TRAF3: variants seen among roughly 807,000 people sequenced by gnomAD.
The protein encoded by TRAF3 is TNF receptor associated factor 3.
A neutral mutation model predicts 62.3 loss-of-function variants in TRAF3; 13 were observed. That is an observed-to-expected ratio of 0.21 (90% CI 0.14 to 0.33). The LOEUF (loss-of-function observed/expected upper bound fraction) is 0.33. Ranked by LOEUF, TRAF3 falls within the 10% of genes least tolerant of loss-of-function variation. TRAF3 has a pLI of 1.00. For synonymous variants in TRAF3, 269 were observed against 283.4 expected, an observed-to-expected ratio of 0.95 and a Z score of 0.51; for missense variants, 440 against 741.8, an observed-to-expected ratio of 0.59 and a Z score of 4.73.
At chr14:102,799,159 T>C (rs1456149584) in intron 1 of TRAF3, among the ~76,000 whole-genome samples, 1 of 151,826 alleles carries the variant, frequency 6.6e-6, no homozygotes, top group African/African-American at 2.4e-5. Flanking sequence ...GAATTAAGAG[T>C]CTGGTGGCAT....
chr14:102,848,845 G>T (rs948226337), intron 2 of TRAF3, among the ~76,000 whole-genome samples: 5 of 152,190 alleles, frequency 3.3e-5, no homozygotes, highest in African/African-American at 4.8e-5. Flanking sequence ...GGATATAGAG[G>T]CTCGATCGCT....
intron 2 of TRAF3, among the ~76,000 whole-genome samples, chr14:102,863,567 G>A (rs1566781930): frequency 6.6e-6 from 1 of 152,192 alleles, no homozygotes; most frequent in Non-Finnish European, 1.5e-5. Flanking sequence ...TGAAAGCCTA[G>A]GGCCTTTTCA....
chr14:102,799,187 T>C (rs1166570948), intron 1 of TRAF3, among the ~76,000 whole-genome samples: 3 of 152,098 alleles, frequency 2.0e-5, no homozygotes, highest in Admixed American at 1.3e-4. Context: ...AGATTAGTGC[T>C]GTGGAAGTCC....
chr14:102,804,378 T>TC (rs1226672028), intron 1 of TRAF3, among the ~76,000 whole-genome samples: 3 of 152,218 alleles, frequency 2.0e-5, no homozygotes, highest in African/African-American at 7.2e-5. Flanking sequence ...ATGAAAATTA[T>TC]CAGTATGTCC....
intron 8 of TRAF3, 79 bp from the exon 9 acceptor site, chr14:102,891,246 T>G: frequency 1.5e-6 from 2 of 1,330,670 alleles, no homozygotes; most frequent in Non-Finnish European, 2.1e-6. Context: ...TAGTGCTGCT[T>G]TTAGGGTCGT....
Position 102,897,328 on chromosome 14 carries a change from G to A in TRAF3, c.887G>A (p.Cys296Tyr), listed in dbSNP as rs1415481906. ...KSIQSLHNQI[C>Y]SFEIEIERQK... ...ATACAAAGTTTGCACAATCAGATAT[G>A]TAGCTTTGAAATTGAAATTGAGAGA... The change falls in exon 10 of 12, where the codon TGT becomes TAT. Residue 296 changes from cysteine to tyrosine, a missense_variant. Cys to Tyr is a radical substitution (Grantham distance 194, BLOSUM62 -2). This residue lies in a region of TRAF3 where 255 missense variants were observed against 424.1 expected (regional missense o/e 0.60). Transcript: ENST00000392745. The A allele has an allele frequency of 3.7e-6, 6 of 1,613,794 alleles. No homozygotes were observed. Among genetic ancestry groups the A allele is most frequent in the Non-Finnish European group, 5.1e-6 (6 of 1,179,872 alleles).
chr14:102,865,833 A>T (rs1204312653), intron 2 of TRAF3: 2 of 152,240 alleles, frequency 1.3e-5, no homozygotes, highest in African/African-American at 4.8e-5. Flanking sequence ...ATTAAAAGAC[A>T]CTATAAATAA....
At chr14:102,804,365 C>G (rs975547070) in intron 1 of TRAF3, among the ~76,000 whole-genome samples, 7 of 152,118 alleles carry the variant, frequency 4.6e-5, no homozygotes, top group African/African-American at 1.7e-4. Flanking sequence ...TGGTGCACAG[C>G]AGATGAAAAT....
intron 1 of TRAF3, among the ~76,000 whole-genome samples, chr14:102,819,083 T>C (rs893719569): frequency 6.6e-6 from 1 of 151,622 alleles, no homozygotes; most frequent in Non-Finnish European, 1.5e-5. Context: ...AGTTAAAAAT[T>C]AATTAATTTA....
chr14:102,802,578 C>T (rs1405196930), intron 1 of TRAF3, among the ~76,000 whole-genome samples: 1 of 151,526 alleles, frequency 6.6e-6, no homozygotes, highest in Non-Finnish European at 1.5e-5. Flanking sequence ...CCTGTAATCC[C>T]AGCACTTTGG....
chr14:102,843,618 G>A (rs1261135247), intron 2 of TRAF3, among the ~76,000 whole-genome samples: 2 of 152,140 alleles, frequency 1.3e-5, no homozygotes, highest in African/African-American at 4.8e-5. Context: ...GATTACAGGC[G>A]TGAGACACTG....
chr14:102,905,844 C>A lies in TRAF3; in HGVS notation c.*60C>A. Reference sequence around the variant, plus strand: ...ACTCCTCTGGGGGATTTGAACCGGTCTGTCTTCACTGAGGTCCTCGCGCTC... The same window carrying A: ...ACTCCTCTGGGGGATTTGAACCGGTATGTCTTCACTGAGGTCCTCGCGCTC... On this transcript the variant is annotated 3_prime_UTR_variant, in exon 12 of 12. Coordinates refer to ENST00000392745, the MANE Select transcript of TRAF3 (RefSeq NM_145725.3). 1 of 1,466,820 alleles carries A rather than the reference C, an allele frequency of 6.8e-7. No homozygotes were observed. The highest frequency in any genetic ancestry group is 9.4e-7 in the Non-Finnish European group (1 of 1,062,176). 90.9% of individuals were successfully genotyped at this position (1,466,820 alleles called of 1,614,324 possible). A position where few individuals can be genotyped will look rare whatever the true frequency, so the allele number is the denominator to read the frequency against.
At chr14:102,800,778 C>G (rs1898355181) in intron 1 of TRAF3, among the ~76,000 whole-genome samples, 1 of 151,104 alleles carries the variant, frequency 6.6e-6, no homozygotes, top group South Asian at 2.1e-4. Flanking sequence ...TCTCTGCAGC[C>G]TTGAACTTCT....
At position 102,777,608 on chromosome 14, in the gene TRAF3, A is replaced by G. The variant is rs1430937671; in HGVS notation, c.-224A>G. ...GCCATGGGGCAGCCCGGGGAGCAGA[A>G]CGCTGCGGACCGCGGCGGAGGACGC... On this transcript the variant is annotated 5_prime_UTR_variant, in exon 1 of 12. Coordinates refer to ENST00000392745, the MANE Select transcript of TRAF3 (RefSeq NM_145725.3). 2.8e-5 allele frequency: 4 copies of G among 142,904 alleles called. No individual in the cohort carries two copies. The highest frequency in any genetic ancestry group is 1.0e-4 in the African/African-American group (4 of 39,756). The allele number at this position is 142,904 out of a possible 1,614,324, so 8.9% of individuals were successfully genotyped here. A position where few individuals can be genotyped will look rare whatever the true frequency, so the allele number is the denominator to read the frequency against.
At chr14:102,831,856 T>C (rs1342760106) in intron 2 of TRAF3, among the ~76,000 whole-genome samples, 1 of 152,244 alleles carries the variant, frequency 6.6e-6, no homozygotes, top group Non-Finnish European at 1.5e-5. Context: ...TCATATCTTG[T>C]AAAACAAATT....
chr14:102,778,637 G>A (rs996406264), intron 1 of TRAF3, among the ~76,000 whole-genome samples: 3 of 152,070 alleles, frequency 2.0e-5, no homozygotes, highest in Non-Finnish European at 4.4e-5. Flanking sequence ...TTTTTGTGGC[G>A]TCAGAAAGGT....
chr14:102,911,022 G>T lies in TRAF3; in HGVS notation c.*5238G>T, dbSNP rs577022418. 3.9e-5 allele frequency: 6 copies of T among 152,368 alleles called. No individual in the cohort carries two copies. The East Asian group carries it at 1.2e-3, about 29-fold the overall frequency. 9.4% of individuals were successfully genotyped at this position (152,368 alleles called of 1,614,324 possible). A position where few individuals can be genotyped will look rare whatever the true frequency, so the allele number is the denominator to read the frequency against. On this transcript the variant is annotated 3_prime_UTR_variant, in exon 12 of 12. Transcript: ENST00000392745. ...GCTGCACAGCATCTGCAGATTCGCAGCCTCTTCTCTGCCGGTGCCTCTGTT... is the reference window on the plus strand; with the variant it reads ...GCTGCACAGCATCTGCAGATTCGCATCCTCTTCTCTGCCGGTGCCTCTGTT...
At chr14:102,900,654 G>A (rs1298406222) in intron 10 of TRAF3, among the ~76,000 whole-genome samples, 1 of 152,230 alleles carries the variant, frequency 6.6e-6, no homozygotes, top group Admixed American at 6.5e-5. Flanking sequence ...CATCCACGCG[G>A]CCTTCACTCA....
intron 2 of TRAF3, among the ~76,000 whole-genome samples, chr14:102,832,347 C>T (rs956130759): frequency 6.6e-6 from 1 of 152,054 alleles, no homozygotes; most frequent in Non-Finnish European, 1.5e-5. Context: ...TTTTCTAAGC[C>T]CTGGTCTGCA....
Sources: allele counts gnomAD v4.1 joint callset (sites outside exome capture counted in the v4.1 genomes callset), GRCh38; gene constraint gnomAD v4.1.1; regional missense constraint gnomAD v4.1.1; transcripts MANE v1.5; gene names NCBI Gene and HGNC (gene_info 2026-07-23, HGNC 2026-07-21).